The following ENTREP2 variants were observed in gnomAD, a reference collection of about 807,000 sequenced individuals.
ENTREP2 encodes the protein endosomal transmembrane epsin interactor 2, also known as protein ENTREP2.
At chr15:29,506,026 G>A in the ENTREP2 span, among the ~76,000 whole-genome samples, 1 of 152,030 alleles carries the variant, frequency 6.6e-6, no homozygotes, top group Non-Finnish European at 1.5e-5. Flanking sequence ...AAAGGTTAGA[G>A]GAATTGCTAA....
At chr15:29,646,445 A>G in the ENTREP2 span, among the ~76,000 whole-genome samples, 1 of 152,156 alleles carries the variant, frequency 6.6e-6, no homozygotes, top group Admixed American at 6.5e-5. Flanking sequence ...CTAGGGGTGA[A>G]GAGCCACTGT....
At chr15:29,303,905 G>C in the ENTREP2 span, among the ~76,000 whole-genome samples, 26 of 151,862 alleles carry the variant, frequency 1.7e-4, no homozygotes, top group Non-Finnish European at 2.8e-4. Flanking sequence ...TTTTGAGATG[G>C]AGTCTCACTC....
the ENTREP2 span, among the ~76,000 whole-genome samples, chr15:29,229,361 C>G: frequency 6.6e-6 from 1 of 152,142 alleles, no homozygotes; most frequent in Non-Finnish European, 1.5e-5. Flanking sequence ...CACAATCTTT[C>G]TATTTACACT....
At chr15:29,175,102 C>T in the ENTREP2 span, among the ~76,000 whole-genome samples, 1 of 152,124 alleles carries the variant, frequency 6.6e-6, no homozygotes, top group Non-Finnish European at 1.5e-5. Context: ...TCCCGGGTAG[C>T]AGCCTGGTGT....
the ENTREP2 span, among the ~76,000 whole-genome samples, chr15:29,568,619 G>A: frequency 2.0e-5 from 3 of 150,626 alleles, no homozygotes; most frequent in Admixed American, 6.7e-5. Context: ...CAGGAGGATC[G>A]CTTCAGCCCA....
the ENTREP2 span, among the ~76,000 whole-genome samples, chr15:29,481,641 T>G: frequency 6.6e-6 from 1 of 152,150 alleles, no homozygotes; most frequent in Non-Finnish European, 1.5e-5. Context: ...AATTATATGC[T>G]TAACATAGCC....
chr15:29,348,285 T>C, the ENTREP2 span, among the ~76,000 whole-genome samples: 1 of 151,850 alleles, frequency 6.6e-6, no homozygotes, highest in African/African-American at 2.4e-5. Flanking sequence ...ATACATCATA[T>C]AGGGTATTAG....
At chr15:29,217,444 C>T in the ENTREP2 span, among the ~76,000 whole-genome samples, 25 of 152,082 alleles carry the variant, frequency 1.6e-4, no homozygotes, top group Non-Finnish European at 3.2e-4. Flanking sequence ...TTGGAGGCTT[C>T]GTTCATATTT....
At chr15:29,130,574 G>T in the ENTREP2 span, among the ~76,000 whole-genome samples, 1 of 152,142 alleles carries the variant, frequency 6.6e-6, no homozygotes, top group Non-Finnish European at 1.5e-5. Context: ...TAAAACAAGA[G>T]AAAGAAAATA....
the ENTREP2 span, among the ~76,000 whole-genome samples, chr15:29,460,997 T>C: frequency 9.2e-5 from 14 of 152,332 alleles, no homozygotes; most frequent in South Asian, 2.1e-4. Flanking sequence ...AATTTTCTTA[T>C]AGTGCCTCAC....
chr15:29,240,349 C>T, the ENTREP2 span, among the ~76,000 whole-genome samples: 1 of 147,876 alleles, frequency 6.8e-6, no homozygotes, highest in Non-Finnish European at 1.5e-5. Context: ...AGCGACAGAG[C>T]GAGACTCCGT....
At chr15:29,257,553 G>C in the ENTREP2 span, among the ~76,000 whole-genome samples, 2 of 152,190 alleles carry the variant, frequency 1.3e-5, no homozygotes, top group Non-Finnish European at 2.9e-5. Context: ...ACGGATAAAT[G>C]TTTGTTTAAT....
the ENTREP2 span, among the ~76,000 whole-genome samples, chr15:29,163,055 G>C: frequency 6.6e-5 from 10 of 152,148 alleles, no homozygotes; most frequent in African/African-American, 2.4e-4. Context: ...ACCCAGAAGA[G>C]AGACAACAAT....
chr15:29,674,495 C>T, the ENTREP2 span, among the ~76,000 whole-genome samples: 1 of 152,102 alleles, frequency 6.6e-6, no homozygotes, highest in African/African-American at 2.4e-5. Context: ...TTCTCGAACC[C>T]CTGACCTCGT....
the ENTREP2 span, among the ~76,000 whole-genome samples, chr15:29,404,382 G>A: frequency 7.2e-5 from 11 of 151,740 alleles, no homozygotes; most frequent in Non-Finnish European, 1.2e-4. Context: ...TGTAATAGCC[G>A]TCTCCACTCC....
the ENTREP2 span, among the ~76,000 whole-genome samples, chr15:29,452,060 A>G: frequency 6.6e-6 from 1 of 152,262 alleles, no homozygotes; most frequent in African/African-American, 2.4e-5. Context: ...CTCATTTAAA[A>G]TGCATGTTTT....
chr15:29,673,929 T>C, the ENTREP2 span, among the ~76,000 whole-genome samples: 2 of 152,058 alleles, frequency 1.3e-5, no homozygotes, highest in East Asian at 1.9e-4. Flanking sequence ...GTTTGGGATG[T>C]GGTAGCCTTT....
chr15:29,469,728 A>G, the ENTREP2 span, among the ~76,000 whole-genome samples: 1 of 152,190 alleles, frequency 6.6e-6, no homozygotes, highest in Non-Finnish European at 1.5e-5. Context: ...TAAGAGGATC[A>G]GTTTCACATA....
At chr15:29,124,679 C>T in the ENTREP2 span, 12,433 of 1,550,018 alleles carry the variant, frequency 8.0e-3, 513 homozygotes, top group African/African-American at 0.11. Context: ...AGAAAAGAAG[C>T]GTCTCACCGC....
Sources: allele counts gnomAD v4.1 joint callset (sites outside exome capture counted in the v4.1 genomes callset), GRCh38; gene constraint gnomAD v4.1.1; transcripts MANE v1.5; gene names NCBI Gene and HGNC (gene_info 2026-07-23, HGNC 2026-07-21).